Variants in ORC3 observed in about 807,000 individuals in gnomAD.
ORC3 encodes origin recognition complex subunit 3.
Under a neutral mutation model 100.7 loss-of-function variants are expected in ORC3, and 78 were observed. That is an observed-to-expected ratio of 0.77 (90% CI 0.65 to 0.94). ORC3 has a LOEUF of 0.94. ORC3 is among the 40% of genes least tolerant of loss of function. The probability of loss-of-function intolerance (pLI) is 0.00; values close to 1 mark genes in which losing one functional copy is unlikely to be tolerated. For synonymous variants in ORC3, 295 were observed against 289.3 expected, an observed-to-expected ratio of 1.02 and a Z score of -0.20; for missense variants, 789 against 823.9, an observed-to-expected ratio of 0.96 and a Z score of 0.52.
intron 8 of ORC3, among the ~76,000 whole-genome samples, chr6:87,615,388 A>C (rs1270731685): frequency 1.3e-5 from 2 of 152,184 alleles, no homozygotes; most frequent in African/African-American, 4.8e-5. Flanking sequence ...ACCTCCTTTA[A>C]GATGTGCTTT....
At chr6:87,593,289 C>T (rs975932133) in intron 1 of ORC3, among the ~76,000 whole-genome samples, 10 of 152,090 alleles carry the variant, frequency 6.6e-5, no homozygotes, top group Non-Finnish European at 1.0e-4. Flanking sequence ...TTCTGATTGC[C>T]TAATATGTAT....
At chr6:87,676,893 G>A in the ORC3 span, among the ~76,000 whole-genome samples, 10 of 151,606 alleles carry the variant, frequency 6.6e-5, no homozygotes, top group African/African-American at 2.2e-4. Context: ...TGGCTAACAC[G>A]GTGAAACCCT....
At chr6:87,605,848 T>G (rs1778294569) in intron 4 of ORC3, 69 bp from the exon 5 acceptor site, 1 of 849,740 alleles carries the variant, frequency 1.2e-6, no homozygotes, top group Non-Finnish European at 1.9e-6. Flanking sequence ...CTTGATATGT[T>G]AAATAGCTTT....
intron 11 of ORC3, among the ~76,000 whole-genome samples, chr6:87,627,593 G>C (rs2128271722): frequency 6.6e-6 from 1 of 152,050 alleles, no homozygotes; most frequent in South Asian, 2.1e-4. Context: ...ACCACACCCA[G>C]CCAATATGAA....
chr6:87,675,920 C>A, the ORC3 span: 1 of 1,612,994 alleles, frequency 6.2e-7, no homozygotes, highest in East Asian at 2.2e-5. Flanking sequence ...TTCACAAACG[C>A]ATCATATTGT....
At chr6:87,629,484 G>A (rs1247705248) in intron 11 of ORC3, among the ~76,000 whole-genome samples, 1 of 152,104 alleles carries the variant, frequency 6.6e-6, no homozygotes, top group Non-Finnish European at 1.5e-5. Flanking sequence ...TTTTACATAT[G>A]TATTGACTTC....
At chr6:87,636,777 C>T (rs1463097441) in intron 13 of ORC3, among the ~76,000 whole-genome samples, 1 of 152,134 alleles carries the variant, frequency 6.6e-6, no homozygotes, top group Admixed American at 6.5e-5. Context: ...AGATATGGAT[C>T]ATTTGAATCC....
chr6:87,651,341 G>A (rs1769251111), intron 13 of ORC3: 1 of 455,486 alleles, frequency 2.2e-6, no homozygotes, highest in South Asian at 1.6e-5. Flanking sequence ...CAGTGCCGGT[G>A]ATTCCTTGGA....
intron 7 of ORC3, among the ~76,000 whole-genome samples, chr6:87,610,593 T>C (rs1460140176): frequency 1.3e-5 from 2 of 149,018 alleles, no homozygotes; most frequent in Non-Finnish European, 3.0e-5. Flanking sequence ...GTCGCCCAGG[T>C]CGGACTGCGG....
chr6:87,663,479 C>T (rs1562386847), intron 17 of ORC3, among the ~76,000 whole-genome samples: 2 of 152,212 alleles, frequency 1.3e-5, no homozygotes, highest in African/African-American at 2.4e-5. Context: ...AACATAACAG[C>T]AGACAGGGAT....
chr6:87,600,065 T>C (rs989734519), intron 2 of ORC3, among the ~76,000 whole-genome samples: 1 of 152,186 alleles, frequency 6.6e-6, no homozygotes, highest in African/African-American at 2.4e-5. Context: ...TACCGTACGA[T>C]GACTTCAATG....
chr6:87,632,914 C>T (rs11964441), intron 11 of ORC3, among the ~76,000 whole-genome samples: 6 of 152,144 alleles, frequency 3.9e-5, no homozygotes, highest in African/African-American at 1.4e-4. Context: ...CTACTCAGCA[C>T]AGGGATGCAC....
chr6:87,676,809 G>A, the ORC3 span, among the ~76,000 whole-genome samples: 1 of 150,890 alleles, frequency 6.6e-6, no homozygotes, highest in Non-Finnish European at 1.5e-5. Context: ...GGGCATGGTG[G>A]CTTACGCCTG....
At chr6:87,625,806 T>G (rs1165041056) in intron 11 of ORC3, among the ~76,000 whole-genome samples, 1 of 152,224 alleles carries the variant, frequency 6.6e-6, no homozygotes, top group Non-Finnish European at 1.5e-5. Flanking sequence ...TCTTCTAGCG[T>G]TTTTATGGTT....
intron 11 of ORC3, among the ~76,000 whole-genome samples, chr6:87,634,546 T>G (rs1378658090): frequency 6.6e-6 from 1 of 152,224 alleles, no homozygotes; most frequent in Non-Finnish European, 1.5e-5. Flanking sequence ...TCCACTAAGG[T>G]GCTTTCTTGC....
downstream of ORC3, among the ~76,000 whole-genome samples, chr6:87,668,886 G>A (rs1422476429): frequency 6.6e-6 from 1 of 152,234 alleles, no homozygotes; most frequent in African/African-American, 2.4e-5. Context: ...GGGAGGCTGA[G>A]GCAGGAGAAT....
chr6:87,644,249 C>T (rs552968903), intron 13 of ORC3, among the ~76,000 whole-genome samples: 307 of 150,272 alleles, frequency 2.0e-3, no homozygotes, highest in Non-Finnish European at 3.9e-3. Flanking sequence ...CCCGCCACTA[C>T]GCCCGGCTAA....
the ORC3 span, chr6:87,675,511 T>A: frequency 6.5e-7 from 1 of 1,535,730 alleles, no homozygotes; most frequent in Non-Finnish European, 9.0e-7. Context: ...ACAGAAGGGG[T>A]ATTGGCATTG....
intron 9 of ORC3, among the ~76,000 whole-genome samples, chr6:87,617,989 TA>T (rs1210576751): frequency 1.3e-5 from 2 of 152,258 alleles, no homozygotes; most frequent in African/African-American, 2.4e-5. Context: ...TATGTAGAAT[TA>T]AATGATATTA....
Sources: allele counts gnomAD v4.1 joint callset (sites outside exome capture counted in the v4.1 genomes callset), GRCh38; gene constraint gnomAD v4.1.1; transcripts MANE v1.5; gene names NCBI Gene and HGNC (gene_info 2026-07-23, HGNC 2026-07-21).